GHR: variants seen among roughly 807,000 people sequenced by gnomAD.
The protein encoded by GHR is GH receptor.
GHR carries 35 observed loss-of-function variants against 67.1 expected under a neutral mutation model. The ratio of observed to expected loss-of-function variants is 0.52; its 90% CI spans 0.40 to 0.69. The LOEUF is 0.69. GHR is among the 30% of genes least tolerant of loss of function. The pLI is 0.00. For missense variants in GHR, 792 were observed against 764.6 expected (o/e 1.04, Z -0.42); for synonymous variants, 272 against 269.1 (o/e 1.01, Z -0.10).
intron 1 of GHR, among the ~76,000 whole-genome samples, chr5:42,455,629 G>A (rs898626204): frequency 6.6e-6 from 1 of 152,178 alleles, no homozygotes; most frequent in Non-Finnish European, 1.5e-5. Flanking sequence ...GGTGCTAAAA[G>A]TATACTCTGA....
chr5:42,474,295 G>GAAAGAAAGAA (rs147851081), intron 1 of GHR, among the ~76,000 whole-genome samples: 875 of 81,066 alleles, frequency 0.011, 19 homozygotes, highest in Non-Finnish European at 0.012. Flanking sequence ...AAAAGAGAAA[G>GAAAGAAAGAA]AGAAAGAAAG....
intron 1 of GHR, among the ~76,000 whole-genome samples, chr5:42,526,273 C>A (rs373747936): frequency 6.6e-6 from 1 of 152,092 alleles, no homozygotes; most frequent in Non-Finnish European, 1.5e-5. Context: ...ACAACATTTT[C>A]TTAAGCCAAA....
chr5:42,456,029 C>T (rs868855019), intron 1 of GHR, among the ~76,000 whole-genome samples: 3 of 152,194 alleles, frequency 2.0e-5, no homozygotes, highest in Admixed American at 6.5e-5. Context: ...TTAGAAATTT[C>T]GGGCCACACA....
chr5:42,567,951 ATCATT>A (rs1393023082), intron 2 of GHR, among the ~76,000 whole-genome samples: 1 of 152,220 alleles, frequency 6.6e-6, no homozygotes, highest in Non-Finnish European at 1.5e-5. Flanking sequence ...TTGTAGCCAA[ATCATT>A]TTATTTTTAT....
intron 1 of GHR, among the ~76,000 whole-genome samples, chr5:42,434,791 T>C (rs775241754): frequency 4.6e-4 from 70 of 152,328 alleles, no homozygotes; most frequent in Admixed American, 4.5e-3. Context: ...CACACACAGA[T>C]TCACCTGTAA....
rs538683759 is a variant in GHR at position 42,680,226 on chromosome 5, G to A, written c.137-8664G>A. On this transcript the variant is annotated intron_variant, in intron 3 of 9. Transcript: ENST00000230882. ...GGCCAACGTGCTTATGCAGTCCTCAGAACATATGAAAGTGATTTCGGCTGA... is the reference window on the plus strand; with the variant it reads ...GGCCAACGTGCTTATGCAGTCCTCAAAACATATGAAAGTGATTTCGGCTGA... 2.0e-5 allele frequency among the ~76,000 whole-genome samples: 3 copies of A among 152,282 alleles called. No individual in the cohort carries two copies. The South Asian group carries it at 6.2e-4, about 32-fold the overall frequency.
intron 2 of GHR, among the ~76,000 whole-genome samples, chr5:42,600,785 A>T (rs1405322284): frequency 6.6e-6 from 1 of 152,210 alleles, no homozygotes; most frequent in East Asian, 1.9e-4. Flanking sequence ...GTTTAATGTC[A>T]TGCTACGCTC....
intron 1 of GHR, among the ~76,000 whole-genome samples, chr5:42,455,247 A>G (rs1431935842): frequency 1.3e-5 from 2 of 152,156 alleles, no homozygotes; most frequent in African/African-American, 2.4e-5. Flanking sequence ...CCTGTCTCAC[A>G]GAGTTTGCAG....
intron 1 of GHR, among the ~76,000 whole-genome samples, chr5:42,559,025 A>G (rs1009087994): frequency 2.0e-5 from 3 of 152,218 alleles, no homozygotes; most frequent in Non-Finnish European, 4.4e-5. Flanking sequence ...TTTTAATCAT[A>G]AATACTTGAT....
intron 1 of GHR, among the ~76,000 whole-genome samples, chr5:42,516,641 A>G (rs1747251362): frequency 6.6e-6 from 1 of 152,254 alleles, no homozygotes; most frequent in Non-Finnish European, 1.5e-5. Flanking sequence ...AGAAAGTTCA[A>G]GAAGGAAAGT....
rs1158830359 is a variant in GHR at position 42,424,171 on chromosome 5, AGTGTGTGTGTGTGT to A, written c.-12+251_-12+264del. 8.2e-4 allele frequency among the ~76,000 whole-genome samples: 82 copies of A among 100,572 alleles called. No individual in the cohort carries two copies. Among genetic ancestry groups the A allele is most frequent in the Middle Eastern group, 5.3e-3 (1 of 190 alleles). The allele number at this position is 100,572 out of a possible 152,430, so 66.0% of individuals were successfully genotyped here. A position where few individuals can be genotyped will look rare whatever the true frequency, so the allele number is the denominator to read the frequency against. ...CTGGTGGGTTGTTGTAACCCAATCT[AGTGTGTGTGTGTGT>A]GTGTGTGTGTGTGTGTGTGTGTGTG... On this transcript the variant is annotated intron_variant, in intron 1 of 9. Transcript: ENST00000230882. This position sits in a 1 kb window ranked among gnomAD's most constrained non-coding sequence, Gnocchi z 4.1.
At chr5:42,715,980 A>G (rs1202954585) in intron 8 of GHR, among the ~76,000 whole-genome samples, 1 of 152,154 alleles carries the variant, frequency 6.6e-6, no homozygotes, top group Non-Finnish European at 1.5e-5. Flanking sequence ...CCACTGTGGC[A>G]TAAGGTCACT....
At chr5:42,611,988 C>T (rs1752913678) in intron 2 of GHR, among the ~76,000 whole-genome samples, 1 of 151,986 alleles carries the variant, frequency 6.6e-6, no homozygotes, top group Non-Finnish European at 1.5e-5. Context: ...AATGTTAGAC[C>T]CATGTGTGAT....
intron 3 of GHR, among the ~76,000 whole-genome samples, chr5:42,635,355 A>G (rs567346063): frequency 2.4e-4 from 37 of 152,356 alleles, no homozygotes; most frequent in African/African-American, 8.7e-4. Flanking sequence ...AAATGGAGGT[A>G]CAGAGAAAAC....
intron 1 of GHR, among the ~76,000 whole-genome samples, chr5:42,538,330 G>T (rs531914668): frequency 6.6e-6 from 1 of 152,318 alleles, no homozygotes; most frequent in African/African-American, 2.4e-5. Context: ...TTTGTTTCAA[G>T]ATTTAGAGCT....
At chr5:42,623,826 T>G (rs1753573164) in intron 2 of GHR, among the ~76,000 whole-genome samples, 1 of 152,232 alleles carries the variant, frequency 6.6e-6, no homozygotes. Context: ...TTGCAGATCA[T>G]AACCAAGACC....
chr5:42,575,195 A>C (rs1750584681), intron 2 of GHR, among the ~76,000 whole-genome samples: 1 of 152,274 alleles, frequency 6.6e-6, no homozygotes, highest in East Asian at 1.9e-4. Context: ...TAGGACCAGT[A>C]AGAGGCAGTC....
intron 2 of GHR, among the ~76,000 whole-genome samples, chr5:42,566,616 G>A (rs1561127656): frequency 6.6e-6 from 1 of 151,934 alleles, no homozygotes; most frequent in Non-Finnish European, 1.5e-5. Flanking sequence ...AGAAGGGAAA[G>A]GGAAGAGGAA....
chr5:42,599,702 A>G (rs758158088), intron 2 of GHR, among the ~76,000 whole-genome samples: 5 of 152,118 alleles, frequency 3.3e-5, no homozygotes, highest in Non-Finnish European at 7.3e-5. Context: ...GGTTATTTTT[A>G]AAAATTTGAA....
Sources: allele counts gnomAD v4.1 joint callset (sites outside exome capture counted in the v4.1 genomes callset), GRCh38; gene constraint gnomAD v4.1.1; non-coding constraint Gnocchi (gnomAD v3.1); transcripts MANE v1.5; gene names NCBI Gene and HGNC (gene_info 2026-07-23, HGNC 2026-07-21).